SNX14: variants seen among roughly 807,000 people sequenced by gnomAD.
The protein encoded by SNX14 is sorting nexin-14.
A neutral mutation model predicts 133.8 loss-of-function variants in SNX14; 93 were observed. The observed-to-expected ratio is 0.70, with a 90% CI of 0.59 to 0.83. SNX14 has a LOEUF of 0.83. Among genes scored for constraint, SNX14 ranks in the 40% least tolerant of loss-of-function variants. The pLI, the probability that SNX14 is intolerant of heterozygous loss-of-function variation, is 0.00. For synonymous variants in SNX14, 368 were observed against 365.6 expected (o/e 1.01, Z -0.07); for missense variants, 945 against 1,094.9 (o/e 0.86, Z 1.93).
At position 85,555,874 on chromosome 6, in the gene SNX14, G is replaced by A. The variant is rs531065028; in HGVS notation, c.634+2102C>T. Among the ~76,000 whole-genome samples, 3 of 152,142 alleles carry A rather than the reference G, an allele frequency of 2.0e-5. No homozygotes were observed. In the South Asian group the frequency reaches 6.2e-4, roughly 32 times the overall value. On this transcript the variant is annotated intron_variant, in intron 7 of 28. Transcript: ENST00000314673. ...GTGGTGGTGCATGCCTGTAATCCCAGCTACTCGGGAGGCTGAGGCAGGAGA... is the reference window on the plus strand; with the variant it reads ...GTGGTGGTGCATGCCTGTAATCCCAACTACTCGGGAGGCTGAGGCAGGAGA...
chr6:85,592,414 T>A (rs1424953120), intron 1 of SNX14, among the ~76,000 whole-genome samples: 1 of 152,238 alleles, frequency 6.6e-6, no homozygotes, highest in East Asian at 1.9e-4. Flanking sequence ...AATGGTTGCC[T>A]GTTCAAAACA....
intron 1 of SNX14, among the ~76,000 whole-genome samples, chr6:85,579,405 AT>A (rs1252996218): frequency 6.6e-6 from 1 of 152,202 alleles, no homozygotes; most frequent in African/African-American, 2.4e-5. Context: ...GGAACACCAA[AT>A]TTAACAACTA....
Position 85,513,025 on chromosome 6 carries a change from G to A in SNX14, c.2653+775C>T, listed in dbSNP as rs374529994. Among the ~76,000 whole-genome samples, 54 of 152,112 alleles carry A rather than the reference G, an allele frequency of 3.6e-4. 4 individuals are homozygous for A. In the East Asian group the frequency reaches 4.2e-3, roughly 12 times the overall value. On this transcript the variant is annotated intron_variant, in intron 26 of 28. Coordinates refer to ENST00000314673, the MANE Select transcript of SNX14 (RefSeq NM_153816.6). ...ATGCTTTAGTATCTACTCACACATG[G>A]CTCCCATATCTCTACTAATCTATCC...
intron 15 of SNX14, among the ~76,000 whole-genome samples, chr6:85,539,981 A>ATTTTATTTTATTTTATTTTATTTTATT (rs1554230930): frequency 6.2e-5 from 3 of 48,212 alleles, no homozygotes; most frequent in African/African-American, 6.3e-5. Context: ...TTTTATTTTA[A>ATTTTATTTTATTTTATTTTATTTTATT]TTGAGGCGGA....
intron 8 of SNX14, 133 bp downstream of exon 8, chr6:85,549,590 A>T: frequency 2.0e-6 from 1 of 507,888 alleles, no homozygotes; most frequent in Non-Finnish European, 3.0e-6. Flanking sequence ...TTAATAACTT[A>T]ATAAATTTTT....
At chr6:85,572,638 T>TA (rs554482797) in intron 2 of SNX14, among the ~76,000 whole-genome samples, 1 of 152,022 alleles carries the variant, frequency 6.6e-6, no homozygotes, top group Non-Finnish European at 1.5e-5. Flanking sequence ...TATGATCACT[T>TA]AAAAAAAATT....
chr6:85,572,225 A>C lies in SNX14; in HGVS notation c.339-10T>G. ...AAGTAGCAAAGAAGGCCTAAAGAAA[A>C]ATTATACAACTAAATCACTTGAAAT... is the stretch of plus-strand genomic sequence containing the variant. On this transcript the variant is annotated splice_polypyrimidine_tract_variant and intron_variant, in intron 3 of 28. Transcript: ENST00000314673. 6.2e-7 allele frequency: 1 copy of C among 1,613,458 alleles called. No individual in the cohort carries two copies. The highest frequency in any genetic ancestry group is 8.5e-7 in the Non-Finnish European group (1 of 1,179,670).
rs1786406864 is a variant in SNX14, at chr6:85,548,223, T to C, written c.867+78A>G. The C allele has an allele frequency of 4.9e-6, 5 of 1,014,738 alleles. No homozygotes were observed. The East Asian group carries it at 7.9e-5, about 16-fold the overall frequency. 62.9% of individuals were successfully genotyped at this position (1,014,738 alleles called of 1,614,324 possible). ...AATGTTTTCAGTATCACTGACTATA[T>C]ACATAAAAATGTTTAAGATACTAAA... is the stretch of plus-strand genomic sequence containing the variant. On this transcript the variant is annotated intron_variant, in intron 9 of 28. Transcript: ENST00000314673.
intron 25 of SNX14, 39 bp downstream of exon 25, chr6:85,514,031 T>C: frequency 6.3e-7 from 1 of 1,582,640 alleles, no homozygotes; most frequent in Non-Finnish European, 8.6e-7. Context: ...AATCATAGAG[T>C]ACACAAAATA....
At chr6:85,567,833 A>G (rs915164805) in intron 4 of SNX14, 8 of 259,844 alleles carry the variant, frequency 3.1e-5, no homozygotes, top group Non-Finnish European at 5.1e-5. Context: ...AAACAGAACA[A>G]TAAGCTGGGT....
At chr6:85,538,909 G>C in intron 15 of SNX14, 45 bp from the exon 16 acceptor site, 1 of 1,499,924 alleles carries the variant, frequency 6.7e-7, no homozygotes, top group Non-Finnish European at 9.0e-7. Flanking sequence ...AGGAAAGAAA[G>C]AAAGCCCAGA....
intron 7 of SNX14, among the ~76,000 whole-genome samples, chr6:85,557,650 T>G (rs972330258): frequency 6.6e-6 from 1 of 152,050 alleles, no homozygotes; most frequent in Non-Finnish European, 1.5e-5. Flanking sequence ...TGTAGCAATA[T>G]AAAGGATGGG....
chr6:85,512,907 T>C (rs1465427962), intron 26 of SNX14, among the ~76,000 whole-genome samples: 2 of 152,114 alleles, frequency 1.3e-5, no homozygotes, highest in East Asian at 3.9e-4. Flanking sequence ...TTTTTGCTTG[T>C]TACTAGGATG....
chr6:85,574,674 A>G (rs529078729), intron 1 of SNX14, among the ~76,000 whole-genome samples: 1 of 152,356 alleles, frequency 6.6e-6, no homozygotes, highest in South Asian at 2.1e-4. Context: ...ATGATATTGT[A>G]GTATTCATAT....
At chr6:85,526,100 T>C (rs1397355429) in intron 21 of SNX14, 26 bp downstream of exon 21, 2 of 1,397,560 alleles carry the variant, frequency 1.4e-6, no homozygotes, top group Non-Finnish European at 9.9e-7. Context: ...CTTATTATCT[T>C]ATAATGATTC....
At chr6:85,542,081 T>C in intron 14 of SNX14, 38 bp from the exon 15 acceptor site, 1 of 1,351,844 alleles carries the variant, frequency 7.4e-7, no homozygotes, top group Non-Finnish European at 1.0e-6. Context: ...TTTATTACAC[T>C]TACAATTAAC....
chr6:85,553,344 G>A (rs930796401), intron 7 of SNX14, among the ~76,000 whole-genome samples: 1 of 152,130 alleles, frequency 6.6e-6, no homozygotes, highest in Non-Finnish European at 1.5e-5. Context: ...AGAATTTGGG[G>A]CATGGGTCTT....
chr6:85,564,368 A>G (rs1326900127), intron 6 of SNX14, among the ~76,000 whole-genome samples: 2 of 152,150 alleles, frequency 1.3e-5, no homozygotes, highest in African/African-American at 4.8e-5. Context: ...CAATGGTTGA[A>G]CTAGTTTACA....
At chr6:85,522,911 A>G (rs1293626348) in intron 21 of SNX14, among the ~76,000 whole-genome samples, 1 of 152,060 alleles carries the variant, frequency 6.6e-6, no homozygotes, top group African/African-American at 2.4e-5. Context: ...CTCCTTATCT[A>G]TCTCCTGCCG....
Sources: allele counts gnomAD v4.1 joint callset (sites outside exome capture counted in the v4.1 genomes callset), GRCh38; gene constraint gnomAD v4.1.1; transcripts MANE v1.5; gene names NCBI Gene and HGNC (gene_info 2026-07-23, HGNC 2026-07-21).